Variants in SEMA3E observed in about 807,000 individuals in gnomAD.
SEMA3E encodes the protein semaphorin 3E.
Under a neutral mutation model 93.6 loss-of-function variants are expected in SEMA3E, and 49 were observed. The observed-to-expected ratio is 0.52, with a 90% CI of 0.42 to 0.66. The LOEUF is 0.66. Among genes scored for constraint, SEMA3E ranks in the 30% least tolerant of loss-of-function variants. The pLI is 0.00. For missense variants in SEMA3E, 906 were observed against 964.8 expected (o/e 0.94, Z 0.81); for synonymous variants, 363 against 330.7 (o/e 1.10, Z -1.06).
chr7:83,605,519 C>T (rs1263441996), intron 1 of SEMA3E, among the ~76,000 whole-genome samples: 1 of 151,940 alleles, frequency 6.6e-6, no homozygotes, highest in East Asian at 1.9e-4. Context: ...CAAACTCCAC[C>T]TCCCAGGATC....
intron 14 of SEMA3E, among the ~76,000 whole-genome samples, chr7:83,388,443 T>G (rs1162826733): frequency 4.0e-5 from 6 of 151,666 alleles, no homozygotes; most frequent in Non-Finnish European, 8.8e-5. Flanking sequence ...ATTAATAGTA[T>G]TGAAATTCTA....
intron 1 of SEMA3E, among the ~76,000 whole-genome samples, chr7:83,636,492 C>T (rs1215057626): frequency 6.6e-6 from 1 of 152,040 alleles, no homozygotes; most frequent in Non-Finnish European, 1.5e-5. Context: ...AAATGCAATA[C>T]ATAAAGTATA....
intron 2 of SEMA3E, among the ~76,000 whole-genome samples, chr7:83,486,132 C>T (rs117524009): frequency 0.038 from 5,797 of 152,162 alleles, 135 homozygotes; most frequent in African/African-American, 0.065. Context: ...ATCCTCCTGC[C>T]TCAGCCTTCA....
chr7:83,473,954 G>A (rs567279016), intron 2 of SEMA3E, among the ~76,000 whole-genome samples: 2 of 152,004 alleles, frequency 1.3e-5, no homozygotes, highest in Admixed American at 6.5e-5. Flanking sequence ...CTAGCCAGGC[G>A]TGGTGGTGTG....
intron 4 of SEMA3E, among the ~76,000 whole-genome samples, chr7:83,447,938 A>T (rs1006562361): frequency 2.6e-5 from 4 of 152,210 alleles, no homozygotes; most frequent in African/African-American, 9.7e-5. Context: ...CCACTTTTCT[A>T]TCTTTCTCTG....
intron 11 of SEMA3E, among the ~76,000 whole-genome samples, chr7:83,397,550 G>C (rs1418300865): frequency 6.6e-6 from 1 of 151,610 alleles, no homozygotes; most frequent in Admixed American, 6.6e-5. Flanking sequence ...TGAGAGAAGT[G>C]TTTGTACCAG....
intron 5 of SEMA3E, among the ~76,000 whole-genome samples, chr7:83,414,830 G>A (rs951136129): frequency 6.6e-6 from 1 of 151,850 alleles, no homozygotes; most frequent in Non-Finnish European, 1.5e-5. Context: ...CATACCTTAG[G>A]CATTTCAGTA....
chr7:83,418,350 C>T lies in SEMA3E; in HGVS notation c.550+40G>A, dbSNP rs2713145. On this transcript the variant is annotated intron_variant, in intron 5 of 16. Transcript: ENST00000643230. ...AAGTTGAAATATATGTTTTAAAATCCTTATGACTACCACCTGATGTCTGTG... is the reference window on the plus strand; with the variant it reads ...AAGTTGAAATATATGTTTTAAAATCTTTATGACTACCACCTGATGTCTGTG... The T allele has an allele frequency of 0.6, 830,050 of 1,387,320 alleles. 254,360 individuals are homozygous for T. Among genetic ancestry groups the T allele is most frequent in the East Asian group, 0.83 (35,808 of 43,202 alleles). The allele number at this position is 1,387,320 out of a possible 1,614,324, so 85.9% of individuals were successfully genotyped here.
rs1015001119 is a variant in SEMA3E, at chr7:83,499,266, A to G, written c.116-8992T>C. Among the ~76,000 whole-genome samples, 4 of 152,228 alleles carry G rather than the reference A, an allele frequency of 2.6e-5. No individual in the cohort carries two copies. The East Asian group carries it at 7.7e-4, about 29-fold the overall frequency. ...AATTTTAAAGTGGAATTACCGGGTC[A>G]AAAGCATTTGTAATTTTAACAAATA... On this transcript the variant is annotated intron_variant, in intron 1 of 16. Coordinates refer to ENST00000643230, the MANE Select transcript of SEMA3E (RefSeq NM_012431.3).
intron 16 of SEMA3E, among the ~76,000 whole-genome samples, 162 bp from the exon 17 acceptor site, chr7:83,368,200 T>C (rs1176779266): frequency 3.9e-5 from 2 of 51,210 alleles, no homozygotes; most frequent in African/African-American, 1.4e-4. Context: ...TACATCTCTC[T>C]CTCTCTCTCT....
chr7:83,579,310 C>T (rs1320504617), intron 1 of SEMA3E, among the ~76,000 whole-genome samples: 1 of 152,098 alleles, frequency 6.6e-6, no homozygotes, highest in Non-Finnish European at 1.5e-5. Flanking sequence ...GTGTGACAAT[C>T]TCATTTTGGA....
chr7:83,616,784 G>A (rs1793375894), intron 1 of SEMA3E: 1 of 442,322 alleles, frequency 2.3e-6, no homozygotes, highest in Non-Finnish European at 4.5e-6. Flanking sequence ...CAGTGCAAAG[G>A]CGTGATCTCC....
intron 14 of SEMA3E, among the ~76,000 whole-genome samples, chr7:83,389,437 AT>A (rs1456951867): frequency 1.6e-5 from 2 of 126,610 alleles, no homozygotes; most frequent in Admixed American, 8.2e-5. Context: ...ATAATTCTAG[AT>A]AAGCAATGTC....
chr7:83,646,916 T>C (rs1794085929), intron 1 of SEMA3E, among the ~76,000 whole-genome samples: 2 of 151,988 alleles, frequency 1.3e-5, no homozygotes, highest in South Asian at 4.1e-4. Context: ...TTGCAAAAAC[T>C]GGCAGCTTAT....
In SEMA3E at chr7:83,365,241, TTCTC is replaced by T. The variant is rs1794648942; in HGVS notation, c.*2341_*2344del. On this transcript the variant is annotated 3_prime_UTR_variant, in exon 17 of 17. Transcript: ENST00000643230. ...AACTGCTTTCTCTCTCCCTTCGTCT[TTCTC>T]TCTCCCTCCCTCTTCTTTCCCATTT... 6.6e-6 allele frequency: 1 copy of T among 152,074 alleles called. No individual in the cohort carries two copies. Among genetic ancestry groups the T allele is most frequent in the Admixed American group, 6.6e-5 (1 of 15,262 alleles). 9.4% of individuals were successfully genotyped at this position (152,074 alleles called of 1,614,324 possible).
chr7:83,559,375 T>C (rs1230904795), intron 1 of SEMA3E, among the ~76,000 whole-genome samples: 3 of 152,256 alleles, frequency 2.0e-5, no homozygotes, highest in Non-Finnish European at 4.4e-5. Context: ...GTATTATTAC[T>C]GTCAGGAAAT....
At chr7:83,470,128 T>C (rs939873804) in intron 2 of SEMA3E, among the ~76,000 whole-genome samples, 11 of 152,164 alleles carry the variant, frequency 7.2e-5, no homozygotes, top group Non-Finnish European at 1.5e-4. Flanking sequence ...TATTTTAAGA[T>C]TGTTGGTTTC....
intron 1 of SEMA3E, among the ~76,000 whole-genome samples, chr7:83,570,584 G>C (rs115753820): frequency 0.011 from 1,620 of 143,266 alleles, 38 homozygotes; most frequent in African/African-American, 0.041. Flanking sequence ...AAGTTAGAAA[G>C]GTCTCAGACT....
intron 1 of SEMA3E, among the ~76,000 whole-genome samples, chr7:83,608,530 C>G (rs1307101556): frequency 1.3e-5 from 2 of 151,982 alleles, no homozygotes; most frequent in African/African-American, 4.8e-5. Context: ...TAATTCTGAG[C>G]TTCACATTTT....
Sources: gnomAD v4.1 joint callset for allele counts (sites outside exome capture counted in the v4.1 genomes callset) on GRCh38, gnomAD v4.1.1 for gene constraint, MANE v1.5 for transcripts, NCBI Gene and HGNC (gene_info 2026-07-23, HGNC 2026-07-21) for gene names.